UGT1A7: variants seen among roughly 807,000 people sequenced by gnomAD.
UGT1A7 encodes UDP glucuronosyltransferase family 1 member A7.
UGT1A7 carries 33 observed loss-of-function variants against 45.6 expected under a neutral mutation model. That is an observed-to-expected ratio of 0.72 (90% CI 0.55 to 0.97). The LOEUF is 0.97. UGT1A7 is among the 50% of genes least tolerant of loss of function. The pLI, the probability that UGT1A7 is intolerant of heterozygous loss-of-function variation, is 0.00. For synonymous variants in UGT1A7, 274 were observed against 250.6 expected, an observed-to-expected ratio of 1.09 and a Z score of -0.88; for missense variants, 684 against 666.2, an observed-to-expected ratio of 1.03 and a Z score of -0.29.
intron 1 of UGT1A7, among the ~76,000 whole-genome samples, chr2:233,708,188 A>AT (rs2076007584): frequency 6.6e-6 from 1 of 152,238 alleles, no homozygotes; most frequent in Non-Finnish European, 1.5e-5. Flanking sequence ...TGTCGTGCAC[A>AT]TTTTAAATGT....
At chr2:233,718,098 A>C (rs577744512) in intron 1 of UGT1A7, 1 of 327,190 alleles carries the variant, frequency 3.1e-6, no homozygotes, top group East Asian at 7.5e-5. Flanking sequence ...TGTGTGCTTT[A>C]GACAGCAGCA....
chr2:233,703,750 A>G (rs1269263963), intron 1 of UGT1A7, among the ~76,000 whole-genome samples: 1 of 152,074 alleles, frequency 6.6e-6, no homozygotes, highest in Non-Finnish European at 1.5e-5. Flanking sequence ...TAAATCTCAA[A>G]TGTATCTTCT....
chr2:233,709,130 G>A (rs569076662), intron 1 of UGT1A7, among the ~76,000 whole-genome samples: 60 of 152,068 alleles, frequency 3.9e-4, no homozygotes, highest in Non-Finnish European at 7.9e-4. Flanking sequence ...TGGTGGCCAA[G>A]GGGATGAGAC....
At chr2:233,765,432 A>G (rs926269161) in intron 1 of UGT1A7, among the ~76,000 whole-genome samples, 3 of 152,240 alleles carry the variant, frequency 2.0e-5, no homozygotes, top group Non-Finnish European at 2.9e-5. Flanking sequence ...AGCCATAACA[A>G]GGAATGAGAT....
At chr2:233,692,272 C>T (rs1301139885) in intron 1 of UGT1A7, 1 of 152,396 alleles carries the variant, frequency 6.6e-6, no homozygotes, top group Non-Finnish European at 1.5e-5. Context: ...TGTACTTTTT[C>T]CTCTGGCTAT....
intron 1 of UGT1A7, among the ~76,000 whole-genome samples, chr2:233,760,000 T>C (rs1697300608): frequency 6.6e-6 from 1 of 152,218 alleles, no homozygotes; most frequent in Admixed American, 6.5e-5. Context: ...TCTGTGGAAA[T>C]ACTAATTTAA....
At chr2:233,692,893 G>C in intron 1 of UGT1A7, 1 of 1,527,424 alleles carries the variant, frequency 6.5e-7, no homozygotes, top group Non-Finnish European at 8.7e-7. Flanking sequence ...GCAAGGGAGA[G>C]GTAGACAGGA....
intron 1 of UGT1A7, among the ~76,000 whole-genome samples, chr2:233,709,406 C>T (rs1395149739): frequency 1.3e-5 from 2 of 152,072 alleles, no homozygotes; most frequent in Non-Finnish European, 2.9e-5. Context: ...TATGGGTGAA[C>T]ACTCAATAAG....
chr2:233,727,661 T>A (rs1292890743), intron 1 of UGT1A7, among the ~76,000 whole-genome samples: 1 of 152,208 alleles, frequency 6.6e-6, no homozygotes, highest in Non-Finnish European at 1.5e-5. Flanking sequence ...TAGTGCTCTA[T>A]GTCCTTACAA....
At chr2:233,729,111 C>T (rs773243405) in intron 1 of UGT1A7, 49 of 1,612,868 alleles carry the variant, frequency 3.0e-5, no homozygotes, top group Non-Finnish European at 4.0e-5. Flanking sequence ...GTCAGCTGTC[C>T]GTGTCTTCTG....
At position 233,713,984 on chromosome 2, in the gene UGT1A7, G is replaced by T. The variant is rs562772168; in HGVS notation, c.855+31192G>T. 6.3e-4 allele frequency: 992 copies of T among 1,585,892 alleles called. 2 individuals are homozygous for T. Among genetic ancestry groups the T allele is most frequent in the Non-Finnish European group, 8.0e-4 (939 of 1,166,642 alleles). ...GATTTCATTTCTGCTTCTCATTGTT[G>T]TAATAGTCTTCAGTGAGATAAACTT... On this transcript the variant is annotated intron_variant, in intron 1 of 4. Transcript: ENST00000373426.
At chr2:233,684,707 T>G (rs903109945) in intron 1 of UGT1A7, among the ~76,000 whole-genome samples, 2 of 152,002 alleles carry the variant, frequency 1.3e-5, no homozygotes, top group Non-Finnish European at 2.9e-5. Context: ...GGTTATGTAT[T>G]AATGTATATA....
intron 1 of UGT1A7, chr2:233,760,250 G>GT: frequency 6.2e-7 from 1 of 1,601,220 alleles, no homozygotes; most frequent in Non-Finnish European, 8.5e-7. Flanking sequence ...ATATATATAA[G>GT]TAGGAGAGGG....
At chr2:233,693,360 T>C (rs1395029854) in intron 1 of UGT1A7, 19 of 1,614,090 alleles carry the variant, frequency 1.2e-5, no homozygotes, top group Non-Finnish European at 1.6e-5. Context: ...ATGATTGTTA[T>C]TGGCCTGTAC....
chr2:233,713,283 C>G (rs764319623), intron 1 of UGT1A7: 6 of 1,614,104 alleles, frequency 3.7e-6, no homozygotes, highest in Non-Finnish European at 5.1e-6. Context: ...GGGTCACACT[C>G]AATCGTTCTT....
intron 1 of UGT1A7, among the ~76,000 whole-genome samples, chr2:233,688,403 T>C (rs1229313639): frequency 6.6e-6 from 1 of 152,250 alleles, no homozygotes; most frequent in Non-Finnish European, 1.5e-5. Context: ...TGTTCTAATT[T>C]TCGAGCCCAT....
intron 1 of UGT1A7, among the ~76,000 whole-genome samples, chr2:233,761,658 A>G (rs1473319616): frequency 6.6e-6 from 1 of 152,256 alleles, no homozygotes; most frequent in East Asian, 1.9e-4. Flanking sequence ...TAATGAGTGA[A>G]TCACCAGACA....
intron 1 of UGT1A7, among the ~76,000 whole-genome samples, chr2:233,728,333 C>G (rs2077701109): frequency 6.6e-6 from 1 of 152,198 alleles, no homozygotes; most frequent in Non-Finnish European, 1.5e-5. Context: ...CCAGCTCCCC[C>G]AGTCCCTTGG....
chr2:233,757,537 T>TATATATACATATACATATAC (rs1472416448), intron 1 of UGT1A7, among the ~76,000 whole-genome samples: 1 of 107,778 alleles, frequency 9.3e-6, no homozygotes, highest in African/African-American at 4.7e-5. Flanking sequence ...CTGTAAGGAA[T>TATATATACATATACATATAC]ATATATATAT....
Sources: allele counts gnomAD v4.1 joint callset (sites outside exome capture counted in the v4.1 genomes callset), GRCh38; gene constraint gnomAD v4.1.1; transcripts MANE v1.5; gene names NCBI Gene and HGNC (gene_info 2026-07-23, HGNC 2026-07-21).